CABLES1: variants seen among roughly 807,000 people sequenced by gnomAD.
CABLES1 encodes the protein Cdk5 and Abl enzyme substrate 1.
Under a neutral mutation model 57.8 loss-of-function variants are expected in CABLES1, and 36 were observed. The ratio of observed to expected loss-of-function variants is 0.62; its 90% CI spans 0.48 to 0.82. The LOEUF (loss-of-function observed/expected upper bound fraction) is 0.82. CABLES1 is among the 40% of genes least tolerant of loss of function. The pLI is 0.00. For missense variants in CABLES1, 767 were observed against 836.6 expected, an observed-to-expected ratio of 0.92 and a Z score of 1.03; for synonymous variants, 374 against 363.0, an observed-to-expected ratio of 1.03 and a Z score of -0.35.
At chr18:23,176,017 T>C (rs2047120883) in intron 1 of CABLES1, among the ~76,000 whole-genome samples, 1 of 152,154 alleles carries the variant, frequency 6.6e-6, no homozygotes, top group Non-Finnish European at 1.5e-5. Flanking sequence ...AGATACCAAA[T>C]GTTGTAGGAA....
chr18:23,148,134 C>T (rs1247404340), intron 1 of CABLES1, among the ~76,000 whole-genome samples: 15 of 151,900 alleles, frequency 9.9e-5, no homozygotes, highest in Admixed American at 5.9e-4. Flanking sequence ...GGACTACAGG[C>T]GCCCGCCACC....
chr18:23,215,679 C>T (rs79281548), intron 4 of CABLES1, among the ~76,000 whole-genome samples: 1,824 of 152,238 alleles, frequency 0.012, 17 homozygotes, highest in Non-Finnish European at 0.017. Flanking sequence ...GGATTGGGTT[C>T]GTGTGCCCCT....
intron 3 of CABLES1, among the ~76,000 whole-genome samples, chr18:23,196,355 G>A (rs543136610): frequency 6.6e-6 from 1 of 152,172 alleles, no homozygotes; most frequent in Admixed American, 6.5e-5. Context: ...GGTGAGAGCT[G>A]GTTTTCTTGT....
At chr18:23,141,758 T>A (rs2046859248) in intron 1 of CABLES1, among the ~76,000 whole-genome samples, 1 of 152,056 alleles carries the variant, frequency 6.6e-6, no homozygotes, top group Non-Finnish European at 1.5e-5. Flanking sequence ...GCCAGTGAGC[T>A]CAAGGGTGAG....
intron 7 of CABLES1, among the ~76,000 whole-genome samples, chr18:23,249,815 G>C (rs1042099990): frequency 1.3e-5 from 2 of 152,110 alleles, no homozygotes; most frequent in South Asian, 4.1e-4. Flanking sequence ...GAGAGCCCTT[G>C]TCTAGGGAGC....
intron 1 of CABLES1, among the ~76,000 whole-genome samples, chr18:23,143,167 A>G (rs1324025291): frequency 6.6e-6 from 1 of 152,042 alleles, no homozygotes; most frequent in Non-Finnish European, 1.5e-5. Context: ...TTCAGTTTCC[A>G]CTTTTCTGTC....
At chr18:23,195,030 T>TCCTG (rs2047272173) in intron 3 of CABLES1, among the ~76,000 whole-genome samples, 1 of 152,226 alleles carries the variant, frequency 6.6e-6, no homozygotes, top group African/African-American at 2.4e-5. Flanking sequence ...TCAGTGCTGA[T>TCCTG]CCTGCTTCCT....
chr18:23,161,287 CCTTT>C (rs1325834733), intron 1 of CABLES1, among the ~76,000 whole-genome samples: 1 of 151,744 alleles, frequency 6.6e-6, no homozygotes, highest in Admixed American at 6.6e-5. Context: ...TCATGTCTTG[CCTTT>C]CTATCTTCTT....
intron 3 of CABLES1, among the ~76,000 whole-genome samples, chr18:23,210,006 G>A (rs951807445): frequency 6.6e-6 from 1 of 152,200 alleles, no homozygotes; most frequent in Non-Finnish European, 1.5e-5. Flanking sequence ...TTTCCTAAGA[G>A]CATGACAATG....
intron 2 of CABLES1, among the ~76,000 whole-genome samples, chr18:23,192,551 G>A (rs753693581): frequency 2.0e-5 from 3 of 152,176 alleles, no homozygotes; most frequent in East Asian, 1.9e-4. Context: ...TCTGCGAGCC[G>A]CCTGAACCCG....
intron 4 of CABLES1, among the ~76,000 whole-genome samples, chr18:23,216,007 G>A (rs2047439508): frequency 1.3e-5 from 2 of 152,156 alleles, no homozygotes; most frequent in South Asian, 4.1e-4. Flanking sequence ...GCCCGCCTCG[G>A]CCTCCCAAAG....
intron 3 of CABLES1, among the ~76,000 whole-genome samples, chr18:23,206,107 G>C (rs540153335): frequency 2.6e-5 from 4 of 152,116 alleles, no homozygotes; most frequent in African/African-American, 9.7e-5. Flanking sequence ...CTCTGACTTC[G>C]TGAGCTTTTC....
chr18:23,228,773 T>TA (rs2047546402), intron 4 of CABLES1, among the ~76,000 whole-genome samples: 1 of 148,314 alleles, frequency 6.7e-6, no homozygotes, highest in Non-Finnish European at 1.5e-5. Flanking sequence ...AAAGTATATA[T>TA]CTTTGTGCTG....
intron 4 of CABLES1, among the ~76,000 whole-genome samples, chr18:23,215,902 T>A (rs984102317): frequency 6.6e-6 from 1 of 152,034 alleles, no homozygotes; most frequent in African/African-American, 2.4e-5. Flanking sequence ...TGCAGGCGCC[T>A]GCCACCATGC....
chr18:23,213,986 T>A lies in CABLES1; in HGVS notation c.1020T>A (p.Leu340=). 1 of 1,604,482 alleles carries A rather than the reference T, an allele frequency of 6.2e-7. No homozygotes were observed. The highest frequency in any genetic ancestry group is 8.5e-7 in the Non-Finnish European group (1 of 1,173,558). ...TCTTTTTATTTTTTAGAATAGTCCTTATCAGTGGCAGAAGATCCTTCTGTA... is the reference window on the plus strand; with the variant it reads ...TCTTTTTATTTTTTAGAATAGTCCTAATCAGTGGCAGAAGATCCTTCTGTA... ...QHDTRNGRIV[L]ISGRRSFCSI... Residue 340 remains leucine, a synonymous_variant, in exon 4 of 10, where the codon CTT becomes CTA. Transcript: ENST00000256925.
intron 6 of CABLES1, 132 bp downstream of exon 6, chr18:23,236,183 C>T: frequency 1.0e-6 from 1 of 987,070 alleles, no homozygotes; most frequent in Non-Finnish European, 1.5e-6. Flanking sequence ...TTAGGAAAGC[C>T]TGATCTCAAG....
intron 1 of CABLES1, among the ~76,000 whole-genome samples, chr18:23,152,597 G>A (rs1342238892): frequency 1.3e-5 from 2 of 148,614 alleles, no homozygotes; most frequent in African/African-American, 5.0e-5. Flanking sequence ...CGATTCTTAT[G>A]CCTCAGCCTC....
chr18:23,136,356 C>T lies in CABLES1; in HGVS notation c.594C>T (p.Asp198=), dbSNP rs1309199678. Reference sequence around the variant, plus strand: ...CCTGTGCCCAACTGCAGCTGCTCGACGGGTCCGGGGCCGCCGGGCAGGAGG... The same window carrying T: ...CCTGTGCCCAACTGCAGCTGCTCGATGGGTCCGGGGCCGCCGGGCAGGAGG... ...LAACAQLQLL[D]GSGAAGQEEL... is the part of the protein sequence containing the mutation. Residue 198 remains aspartate (D), a synonymous_variant, in exon 1 of 10, where the codon GAC becomes GAT. Transcript: ENST00000256925. 4 of 1,485,688 alleles carry T rather than the reference C, an allele frequency of 2.7e-6. No individual in the cohort carries two copies. The highest frequency in any genetic ancestry group is 1.3e-5 in the South Asian group (1 of 75,914). The allele number at this position is 1,485,688 out of a possible 1,614,324, so 92.0% of individuals were successfully genotyped here. A position where few individuals can be genotyped will look rare whatever the true frequency, so the allele number is the denominator to read the frequency against.
intron 4 of CABLES1, 82 bp from the exon 5 acceptor site, chr18:23,234,526 G>A (rs2047588770): frequency 1.0e-6 from 1 of 984,222 alleles, no homozygotes; most frequent in Non-Finnish European, 1.6e-6. Flanking sequence ...GTGTGACTGT[G>A]TTGTCTCATG....
Sources: allele counts gnomAD v4.1 joint callset (sites outside exome capture counted in the v4.1 genomes callset), GRCh38; gene constraint gnomAD v4.1.1; transcripts MANE v1.5; gene names NCBI Gene and HGNC (gene_info 2026-07-23, HGNC 2026-07-21).